Variants in TRPM6 observed in about 807,000 individuals in gnomAD.
The protein encoded by TRPM6 is transient receptor potential cation channel subfamily M member 6, also known as channel kinase 2.
Under a neutral mutation model 247.6 loss-of-function variants are expected in TRPM6, and 111 were observed. The observed-to-expected ratio is 0.45, with a 90% CI of 0.38 to 0.52. The LOEUF (loss-of-function observed/expected upper bound fraction) is 0.52, where lower values mean the gene tolerates loss of function less well. Ranked by LOEUF, TRPM6 falls within the 20% of genes least tolerant of loss-of-function variation. TRPM6 has a pLI of 0.00. For missense variants in TRPM6, 2,126 were observed against 2,421.5 expected (o/e 0.88, Z 2.56); for synonymous variants, 892 against 853.8 (o/e 1.04, Z -0.78).
At chr9:74,742,778 TTAAAAA>T (rs1467893602) in intron 32 of TRPM6, 152 bp from the exon 33 acceptor site, 9 of 725,578 alleles carry the variant, frequency 1.2e-5, no homozygotes, top group Admixed American at 4.9e-5. Context: ...TAATACAGTC[TTAAAAA>T]TAAACTATGC....
At chr9:74,740,078 A>G in intron 33 of TRPM6, 69 bp from the exon 34 acceptor site, 1 of 1,540,548 alleles carries the variant, frequency 6.5e-7, no homozygotes, top group Non-Finnish European at 8.9e-7. Flanking sequence ...AGTATCCTAA[A>G]TATCAATGCA....
chr9:74,739,708 G>A lies in TRPM6; in HGVS notation c.5487+15C>T, dbSNP rs1271089443. On this transcript the variant is annotated intron_variant, in intron 34 of 38. Coordinates refer to ENST00000360774, the MANE Select transcript of TRPM6 (RefSeq NM_017662.5). ...TTGTCCCTCTGGGCTATGGGTCTCT[G>A]AGTTTCAGACTTACCCTGAGGCAAA... is the stretch of plus-strand genomic sequence containing the variant. 1.2e-6 allele frequency: 2 copies of A among 1,609,890 alleles called. No individual in the cohort carries two copies. Among genetic ancestry groups the A allele is most frequent in the South Asian group, 1.1e-5 (1 of 91,060 alleles).
At chr9:74,752,767 T>C (rs1826294011) in intron 28 of TRPM6, among the ~76,000 whole-genome samples, 1 of 152,098 alleles carries the variant, frequency 6.6e-6, no homozygotes, top group African/African-American at 2.4e-5. Flanking sequence ...TAGGAATCCT[T>C]CCTTAGCAAC....
chr9:74,788,676 TGGGCTG>T lies in TRPM6; in HGVS notation c.2599_2604del (p.Gln867_Pro868del). Reference sequence around the variant, plus strand: ...ATGCTAACAAGCCACTCCTGCACGCTGGGCTGGGGCTGCATCTCCACCAACACGGTG... The same window carrying T: ...ATGCTAACAAGCCACTCCTGCACGCTGGGCTGCATCTCCACCAACACGGTG... On this transcript the variant is annotated inframe_deletion, in exon 20 of 39. Coordinates refer to ENST00000360774, the MANE Select transcript of TRPM6 (RefSeq NM_017662.5). 6.2e-7 allele frequency: 1 copy of T among 1,614,074 alleles called. No individual in the cohort carries two copies. Among genetic ancestry groups the T allele is most frequent in the East Asian group, 2.2e-5 (1 of 44,874 alleles).
At chr9:74,835,316 T>TGTAGAGTTTGGATATTA (rs1196808028) in intron 5 of TRPM6, among the ~76,000 whole-genome samples, 1 of 152,174 alleles carries the variant, frequency 6.6e-6, no homozygotes, top group Non-Finnish European at 1.5e-5. Flanking sequence ...TTAAGTTCTT[T>TGTAGAGTTTGGATATTA]GTAGAGTTTG....
chr9:74,801,837 A>G, intron 16 of TRPM6, 61 bp downstream of exon 16: 1 of 1,590,180 alleles, frequency 6.3e-7, no homozygotes, highest in South Asian at 1.1e-5. Flanking sequence ...AGAGAGATAA[A>G]AGTGTCTAAC....
intron 3 of TRPM6, among the ~76,000 whole-genome samples, chr9:74,851,364 T>C (rs1236338898): frequency 6.6e-6 from 1 of 152,094 alleles, no homozygotes; most frequent in Non-Finnish European, 1.5e-5. Context: ...ACAGCCATGT[T>C]AGAAACAAAG....
intron 5 of TRPM6, among the ~76,000 whole-genome samples, chr9:74,837,179 T>C (rs558319982): frequency 8.8e-4 from 134 of 152,328 alleles, no homozygotes; most frequent in Non-Finnish European, 1.6e-3. Context: ...TCATGCGAAA[T>C]TATGTTCAAC....
chr9:74,881,248 C>T (rs11144131), intron 1 of TRPM6, among the ~76,000 whole-genome samples: 115,755 of 151,942 alleles, frequency 0.76, 44,424 homozygotes, highest in Middle Eastern at 0.79. Context: ...AGATATTCCA[C>T]GCAAACAGAA....
At chr9:74,731,311 C>A (rs1367096460) in intron 37 of TRPM6, among the ~76,000 whole-genome samples, 1 of 152,010 alleles carries the variant, frequency 6.6e-6, no homozygotes, top group Non-Finnish European at 1.5e-5. Flanking sequence ...ACTTTTAGTA[C>A]AAGATTCCTA....
At chr9:74,733,371 C>T (rs1356944733) in intron 36 of TRPM6, among the ~76,000 whole-genome samples, 1 of 152,116 alleles carries the variant, frequency 6.6e-6, no homozygotes, top group African/African-American at 2.4e-5. Flanking sequence ...AGTTAATGCA[C>T]TGTTTCCCAC....
intron 21 of TRPM6, 52 bp from the exon 22 acceptor site, chr9:74,782,905 A>G: frequency 6.4e-7 from 1 of 1,563,670 alleles, no homozygotes; most frequent in Non-Finnish European, 8.8e-7. Context: ...TGAAGTTCAA[A>G]AGAAACCAAA....
At chr9:74,854,353 G>A (rs573160776) in intron 3 of TRPM6, among the ~76,000 whole-genome samples, 1 of 152,286 alleles carries the variant, frequency 6.6e-6, no homozygotes, top group African/African-American at 2.4e-5. Context: ...GTAGAAACTA[G>A]GTAGAATATA....
chr9:74,763,620 A>C lies in TRPM6; in HGVS notation c.3537-486T>G, dbSNP rs180850294. On this transcript the variant is annotated intron_variant, in intron 25 of 38. Transcript: ENST00000360774. The stretch of plus-strand genomic sequence containing the variant: ...TATGTAATTAAGAAAAAGAAAAAAA[A>C]CACAGATCTTTAAAATTAAAAAAAA... Among the ~76,000 whole-genome samples the C allele has an allele frequency of 1.4e-4, 22 of 152,304 alleles. No individual in the cohort carries two copies. The East Asian group carries it at 4.1e-3, about 28-fold the overall frequency.
At chr9:74,880,000 G>A (rs1243675528) in intron 1 of TRPM6, among the ~76,000 whole-genome samples, 1 of 152,050 alleles carries the variant, frequency 6.6e-6, no homozygotes, top group African/African-American at 2.4e-5. Flanking sequence ...CAGGTAGATA[G>A]TGTCAGAACT....
intron 25 of TRPM6, among the ~76,000 whole-genome samples, chr9:74,769,784 G>GA (rs1248543119): frequency 4.2e-5 from 6 of 143,348 alleles, no homozygotes; most frequent in African/African-American, 1.6e-4. Context: ...AGGAAGGAAG[G>GA]ACGGAAGGAA....
chr9:74,790,006 A>ATGAAATGTG (rs1554703823), intron 19 of TRPM6, among the ~76,000 whole-genome samples: 2 of 132,816 alleles, frequency 1.5e-5, no homozygotes, highest in African/African-American at 5.6e-5. Flanking sequence ...TGAGAGAAAA[A>ATGAAATGTG]TGTGTGTGTG....
intron 1 of TRPM6, among the ~76,000 whole-genome samples, chr9:74,884,965 G>A (rs1031787540): frequency 3.9e-5 from 6 of 152,306 alleles, no homozygotes; most frequent in Middle Eastern, 3.4e-3. Flanking sequence ...TAATAGCTGT[G>A]CATCAAACAT....
chr9:74,736,375 A>C (rs1041045560), intron 36 of TRPM6, among the ~76,000 whole-genome samples: 1 of 152,230 alleles, frequency 6.6e-6, no homozygotes, highest in Non-Finnish European at 1.5e-5. Context: ...AATGTGCATT[A>C]TCTCTCCAAA....
Sources: allele counts gnomAD v4.1 joint callset (sites outside exome capture counted in the v4.1 genomes callset), GRCh38; gene constraint gnomAD v4.1.1; transcripts MANE v1.5; gene names NCBI Gene and HGNC (gene_info 2026-07-23, HGNC 2026-07-21).